The following SPTBN4 variants were observed in gnomAD, a reference collection of about 807,000 sequenced individuals.
SPTBN4 encodes the protein spectrin beta, non-erythrocytic 4, also known as spectrin beta chain, non-erythrocytic 4.
In SPTBN4, 96 loss-of-function variants were observed where a neutral mutation model predicts 277.8. That is an observed-to-expected ratio of 0.35 (90% CI 0.29 to 0.41). The LOEUF (loss-of-function observed/expected upper bound fraction) is 0.41. Ranked by LOEUF, SPTBN4 falls within the 10% of genes least tolerant of loss-of-function variation. The probability of loss-of-function intolerance (pLI) is 1.00; values close to 1 mark genes in which losing one functional copy is unlikely to be tolerated. For missense variants in SPTBN4, 3,006 were observed against 3,595.7 expected (o/e 0.84, Z 4.19); for synonymous variants, 1,481 against 1,580.3 (o/e 0.94, Z 1.49).
intron 13 of SPTBN4, among the ~76,000 whole-genome samples, chr19:40,508,289 C>A (rs967477603): frequency 6.6e-6 from 1 of 152,206 alleles, no homozygotes; most frequent in African/African-American, 2.4e-5. Context: ...TATGTCAATG[C>A]CCTCCAGCCA....
At chr19:40,474,130 C>T (rs1024924719) in intron 2 of SPTBN4, among the ~76,000 whole-genome samples, 3 of 107,096 alleles carry the variant, frequency 2.8e-5, no homozygotes, top group Non-Finnish European at 5.1e-5. Context: ...CCAGCCCCAG[C>T]AGTAAAGCAA....
intron 2 of SPTBN4, among the ~76,000 whole-genome samples, chr19:40,476,924 G>T (rs1385275501): frequency 2.0e-5 from 3 of 151,920 alleles, no homozygotes; most frequent in African/African-American, 4.8e-5. Context: ...GGAGGAGGGG[G>T]TCTCTCCATG....
Position 40,519,622 on chromosome 19 carries a change from TG to T in SPTBN4, c.3127del (p.Glu1043ArgfsTer31). 1 of 1,446,332 alleles carries T rather than the reference TG, an allele frequency of 6.9e-7. No individual in the cohort carries two copies. The highest frequency in any genetic ancestry group is 9.0e-7 in the Non-Finnish European group (1 of 1,111,768). The allele number at this position is 1,446,332 out of a possible 1,614,324, so 89.6% of individuals were successfully genotyped here. Reference sequence around the variant, plus strand: ...CTGGAGCCGCGCCAGGCGGCCCTTCTGGAGGAGGCAGCCCTGCTGGCTGAGC... The same window carrying T: ...CTGGAGCCGCGCCAGGCGGCCCTTCTGAGGAGGCAGCCCTGCTGGCTGAGC... ...QALEPRQAAL[L>X]EEAALLAERF... On this transcript the variant is annotated frameshift_variant, in exon 16 of 36. Transcript: ENST00000598249. LOFTEE classifies it high-confidence loss of function. The surrounding 1 kb of genome is among the most constrained non-coding windows in gnomAD (Gnocchi z 5.7).
In SPTBN4 at chr19:40,565,271, A is replaced by AAAAAG. The variant is rs368076001; in HGVS notation, c.5916-128_5916-124dup. 0.096 allele frequency: 93,159 copies of AAAAAG among 975,288 alleles called. 3,369 individuals are homozygous for AAAAAG. The highest frequency in any genetic ancestry group is 0.11 in the Non-Finnish European group (70,677 of 665,732). 60.4% of individuals were successfully genotyped at this position (975,288 alleles called of 1,614,324 possible). ...TAGGGTGAGACTTTATCTCAAAAAA[A>AAAAAG]AAAAGAAAAGAAAAGAAAAGAAAAG... On this transcript the variant is annotated intron_variant, in intron 27 of 35. Transcript: ENST00000598249.
chr19:40,507,329 T>TA (rs902306490), intron 13 of SPTBN4, among the ~76,000 whole-genome samples: 30 of 142,122 alleles, frequency 2.1e-4, no homozygotes, highest in South Asian at 1.4e-3. Context: ...AAAAATAAAA[T>TA]AAAAAAAAAA....
At chr19:40,532,245 G>A (rs1002576865) in intron 18 of SPTBN4, among the ~76,000 whole-genome samples, 1 of 149,614 alleles carries the variant, frequency 6.7e-6, no homozygotes, top group African/African-American at 2.5e-5. Flanking sequence ...GTGGTCCTGG[G>A]GATGAATTGG....
intron 35 of SPTBN4, among the ~76,000 whole-genome samples, chr19:40,575,178 C>T (rs1163627465): frequency 6.6e-6 from 1 of 152,060 alleles, no homozygotes; most frequent in African/African-American, 2.4e-5. Context: ...TGTCATTTAT[C>T]TCTGTAGTAG....
At chr19:40,573,564 C>T (rs944477362) in intron 35 of SPTBN4, among the ~76,000 whole-genome samples, 10 of 152,228 alleles carry the variant, frequency 6.6e-5, no homozygotes, top group South Asian at 2.1e-4. Context: ...GGCGCAGTGG[C>T]TTACGCCTGT....
At chr19:40,521,533 A>T (rs1487310732) in intron 16 of SPTBN4, among the ~76,000 whole-genome samples, 3 of 152,084 alleles carry the variant, frequency 2.0e-5, no homozygotes, top group African/African-American at 4.8e-5. Context: ...TGCAACCTGG[A>T]TCCCCCACAT....
intron 22 of SPTBN4, among the ~76,000 whole-genome samples, chr19:40,551,573 C>T (rs1237104498): frequency 6.6e-6 from 1 of 152,220 alleles, no homozygotes; most frequent in Non-Finnish European, 1.5e-5. Context: ...CTCTGGGGCT[C>T]AGTTTCCACA....
In SPTBN4 at chr19:40,501,909, T is replaced by C. The variant is rs1353231047; in HGVS notation, c.785-12T>C. ...CCCACTGTCTTGTTTCCCCACTCCC[T>C]CTTGCTTCCAGATGTGAACATGGAG... On this transcript the variant is annotated splice_polypyrimidine_tract_variant and intron_variant, in intron 7 of 35. Coordinates refer to ENST00000598249, the MANE Select transcript of SPTBN4 (RefSeq NM_020971.3). 1 of 1,613,086 alleles carries C rather than the reference T, an allele frequency of 6.2e-7. No homozygotes were observed. Among genetic ancestry groups the C allele is most frequent in the South Asian group, 1.1e-5 (1 of 91,038 alleles).
chr19:40,470,763 G>A (rs1285717930), intron 1 of SPTBN4, among the ~76,000 whole-genome samples: 2 of 151,274 alleles, frequency 1.3e-5, no homozygotes, highest in Non-Finnish European at 2.9e-5. Context: ...CTCCTGAGTA[G>A]CTGAGATTAC....
intron 20 of SPTBN4, among the ~76,000 whole-genome samples, chr19:40,542,039 A>T (rs945139941): frequency 5.3e-5 from 8 of 152,190 alleles, no homozygotes; most frequent in African/African-American, 1.9e-4. Flanking sequence ...CTCCTGCCTC[A>T]GCCTCCCAAG....
At chr19:40,505,798 G>C (rs187089171) in intron 12 of SPTBN4, among the ~76,000 whole-genome samples, 2 of 152,094 alleles carry the variant, frequency 1.3e-5, no homozygotes, top group Non-Finnish European at 2.9e-5. Context: ...GTGAACAGGA[G>C]ATGGAGAGAA....
chr19:40,549,609 G>C (rs2080895631), intron 21 of SPTBN4, among the ~76,000 whole-genome samples, 196 bp downstream of exon 21: 1 of 152,224 alleles, frequency 6.6e-6, no homozygotes. Flanking sequence ...TATTCATGAA[G>C]TCACTCATTT....
At chr19:40,516,778 C>G (rs1001644318) in intron 15 of SPTBN4, among the ~76,000 whole-genome samples, 1 of 151,966 alleles carries the variant, frequency 6.6e-6, no homozygotes, top group Admixed American at 6.6e-5. Flanking sequence ...GAGCCAAGAT[C>G]ACACCACTGC....
intron 13 of SPTBN4, among the ~76,000 whole-genome samples, chr19:40,512,082 T>TACTGC (rs1265112301): frequency 1.3e-5 from 2 of 152,078 alleles, no homozygotes; most frequent in Admixed American, 6.6e-5. Context: ...GAGATCGCGC[T>TACTGC]ACTGCACTCC....
rs768116971 is a variant in SPTBN4 at position 40,487,767 on chromosome 19, C to T, written c.240C>T (p.Cys80=). 6.2e-7 allele frequency: 1 copy of T among 1,613,484 alleles called. No homozygotes were observed. ...WVNSHLARVG[C]HIGDLYVDLR... ...ACTCGCACCTCGCCCGCGTGGGCTG[C>T]CACATCGGGGACCTCTATGTGGACC... is the stretch of plus-strand genomic sequence containing the variant. Residue 80 remains cysteine (C), a synonymous_variant, in exon 3 of 36, where the codon TGC becomes TGT. Coordinates refer to ENST00000598249, the MANE Select transcript of SPTBN4 (RefSeq NM_020971.3).
At chr19:40,485,290 CA>C (rs1454443658) in intron 2 of SPTBN4, among the ~76,000 whole-genome samples, 5 of 152,152 alleles carry the variant, frequency 3.3e-5, no homozygotes, top group Non-Finnish European at 4.4e-5. Flanking sequence ...GCTGAGATTA[CA>C]GATGTGCGCC....
Sources: allele counts gnomAD v4.1 joint callset (sites outside exome capture counted in the v4.1 genomes callset), GRCh38; gene constraint gnomAD v4.1.1; non-coding constraint Gnocchi (gnomAD v3.1); transcripts MANE v1.5; gene names NCBI Gene and HGNC (gene_info 2026-07-23, HGNC 2026-07-21).